Variants in WDR64 observed in about 807,000 individuals in gnomAD.
WDR64 encodes the protein WD repeat domain 64.
WDR64 carries 112 observed loss-of-function variants against 139.3 expected under a neutral mutation model. The observed-to-expected ratio is 0.80, with a 90% CI of 0.69 to 0.94. The LOEUF is 0.94. Ranked by LOEUF, WDR64 falls within the 40% of genes least tolerant of loss-of-function variation. WDR64 has a pLI of 0.00. For synonymous variants in WDR64, 444 were observed against 437.7 expected, an observed-to-expected ratio of 1.01 and a Z score of -0.18; for missense variants, 1,206 against 1,293.1, an observed-to-expected ratio of 0.93 and a Z score of 1.03.
At chr1:241,787,557 C>T (rs1157716539) in intron 23 of WDR64, among the ~76,000 whole-genome samples, 1 of 150,588 alleles carries the variant, frequency 6.6e-6, no homozygotes, top group Admixed American at 6.7e-5. Flanking sequence ...CTCAGCTACT[C>T]GGGAAGCTGA....
chr1:241,795,393 C>T lies in WDR64; in HGVS notation c.3078+106C>T, dbSNP rs1659335241. On this transcript the variant is annotated intron_variant, in intron 26 of 27. Coordinates refer to ENST00000437684, the MANE Select transcript of WDR64 (RefSeq NM_001367482.1). ...GCAAGGTTGGAGAAAATCATACAGT[C>T]AGTTGGACCGTTGCTTCCAAAAACG... 67 of 995,738 alleles carry T rather than the reference C, an allele frequency of 6.7e-5. No homozygotes were observed. In the South Asian group the frequency reaches 1.0e-3, roughly 15 times the overall value. 61.7% of individuals were successfully genotyped at this position (995,738 alleles called of 1,614,324 possible). A position where few individuals can be genotyped will look rare whatever the true frequency, so the allele number is the denominator to read the frequency against.
chr1:241,771,978 A>ATATATATATATT (rs1658470954), intron 19 of WDR64, among the ~76,000 whole-genome samples: 5 of 128,040 alleles, frequency 3.9e-5, no homozygotes, highest in African/African-American at 1.5e-4. Flanking sequence ...ATATATATAT[A>ATATATATATATT]TATATATATA....
chr1:241,753,749 T>C (rs1670066512), intron 14 of WDR64, among the ~76,000 whole-genome samples: 2 of 151,942 alleles, frequency 1.3e-5, no homozygotes, highest in South Asian at 4.1e-4. Context: ...GTGGAATAAA[T>C]GATCACATCA....
intron 15 of WDR64, among the ~76,000 whole-genome samples, chr1:241,764,493 T>G (rs542654412): frequency 6.6e-6 from 1 of 150,446 alleles, no homozygotes; most frequent in Non-Finnish European, 1.5e-5. Flanking sequence ...TACAAAAAAA[T>G]TTTTAAAAAT....
chr1:241,718,729 C>G (rs895338036), intron 9 of WDR64, among the ~76,000 whole-genome samples: 1 of 152,100 alleles, frequency 6.6e-6, no homozygotes, highest in African/African-American at 2.4e-5. Flanking sequence ...TTTCTGGAGG[C>G]TAGAAGTGCA....
Position 241,771,690 on chromosome 1 carries a change from G to A in WDR64, c.2283G>A (p.Glu761=). Residue 761 remains glutamate (E), a synonymous_variant, in exon 19 of 28, where the codon GAG becomes GAA. Coordinates refer to ENST00000437684, the MANE Select transcript of WDR64 (RefSeq NM_001367482.1). ...KGSKQSIHDS[E]VKGEQTDVMV... ...GCAAGCAAAGCATACATGACAGTGAGGTTAAAGGTCAGTATGAAATCACCT... is the reference window on the plus strand; with the variant it reads ...GCAAGCAAAGCATACATGACAGTGAAGTTAAAGGTCAGTATGAAATCACCT... The A allele has an allele frequency of 6.7e-7, 1 of 1,486,568 alleles. No homozygotes were observed. Among genetic ancestry groups the A allele is most frequent in the Non-Finnish European group, 9.0e-7 (1 of 1,114,900 alleles). The allele number at this position is 1,486,568 out of a possible 1,614,324, so 92.1% of individuals were successfully genotyped here.
At chr1:241,668,166 GA>G (rs1265876798) in intron 2 of WDR64, among the ~76,000 whole-genome samples, 1 of 152,164 alleles carries the variant, frequency 6.6e-6, no homozygotes, top group Non-Finnish European at 1.5e-5. Context: ...ATGCTGAAAG[GA>G]AAAGTCAGTA....
Position 241,683,602 on chromosome 1 carries a change from T to C in WDR64, c.740T>C (p.Val247Ala). ...DILLGDDGGF[V>A]NRFTVNSDDF... ...CTCTTGGGGGATGATGGGGGTTTTG[T>C]GAACAGATTCACAGTCAACAGTGAT... is the stretch of plus-strand genomic sequence containing the variant. Residue 247 changes from valine to alanine, a missense_variant, in exon 7 of 28, where the codon GTG becomes GCG. By Grantham distance (64) the Val-to-Ala change is moderately conservative. Transcript: ENST00000437684. 1.3e-6 allele frequency: 2 copies of C among 1,551,634 alleles called. No individual in the cohort carries two copies. Among genetic ancestry groups the C allele is most frequent in the African/African-American group, 2.7e-5 (2 of 73,146 alleles).
At chr1:241,705,749 G>A (rs779675275) in intron 8 of WDR64, among the ~76,000 whole-genome samples, 23 of 151,800 alleles carry the variant, frequency 1.5e-4, no homozygotes, top group Non-Finnish European at 2.8e-4. Context: ...CAACACGCCC[G>A]GCTAATTTTT....
chr1:241,690,204 G>A (rs1026842674), intron 8 of WDR64, among the ~76,000 whole-genome samples: 2 of 152,152 alleles, frequency 1.3e-5, no homozygotes, highest in African/African-American at 4.8e-5. Context: ...TGGGCGCAGT[G>A]GCTCACACCT....
intron 23 of WDR64, 109 bp from the exon 24 acceptor site, chr1:241,787,740 A>G (rs1659090258): frequency 1.1e-6 from 1 of 951,514 alleles, no homozygotes; most frequent in Non-Finnish European, 1.5e-6. Context: ...ACCCAAGTAA[A>G]AAAATCCTTG....
chr1:241,775,578 G>C (rs114302614), intron 21 of WDR64, among the ~76,000 whole-genome samples: 3,976 of 151,848 alleles, frequency 0.026, 186 homozygotes, highest in African/African-American at 0.091. Context: ...ATAAATTAGA[G>C]AAAAAAAATG....
intron 20 of WDR64, among the ~76,000 whole-genome samples, chr1:241,774,195 A>G (rs1332864056): frequency 2.0e-5 from 3 of 152,240 alleles, no homozygotes; most frequent in Non-Finnish European, 2.9e-5. Flanking sequence ...TCAGAACACA[A>G]AACAGTTTTG....
chr1:241,776,888 T>A (rs72770250), intron 21 of WDR64, among the ~76,000 whole-genome samples: 3,552 of 152,296 alleles, frequency 0.023, 56 homozygotes, highest in Non-Finnish European at 0.034. Context: ...AAATTTGTGG[T>A]TTCTGTTTGT....
chr1:241,788,003 T>C lies in WDR64; in HGVS notation c.2860T>C (p.Tyr954His), dbSNP rs199999233. 1.2e-6 allele frequency: 2 copies of C among 1,601,080 alleles called. No homozygotes were observed. The highest frequency in any genetic ancestry group is 1.7e-6 in the Non-Finnish European group (2 of 1,176,302). The change falls in exon 24 of 28, where the codon TAT becomes CAT. Residue 954 changes from tyrosine to histidine, a missense_variant. Tyr to His is a moderately conservative substitution (Grantham distance 83). Coordinates refer to ENST00000437684, the MANE Select transcript of WDR64 (RefSeq NM_001367482.1). ...AAGCAAGTTCACAGAGAAGCAAAAA[T>C]ATGAATATCCTCTGATATTTGACCG... ...EESKFTEKQK[Y>H]EYPLIFDREK... is the part of the protein sequence containing the mutation.
At chr1:241,663,976 A>G (rs928213554) in intron 2 of WDR64, among the ~76,000 whole-genome samples, 1 of 152,224 alleles carries the variant, frequency 6.6e-6, no homozygotes, top group Non-Finnish European at 1.5e-5. Flanking sequence ...AATAAAGTAG[A>G]AGACATAAAT....
chr1:241,723,230 T>C, intron 9 of WDR64, 67 bp from the exon 10 acceptor site: 3 of 1,580,672 alleles, frequency 1.9e-6, no homozygotes, highest in Non-Finnish European at 1.7e-6. Flanking sequence ...TATGATACAG[T>C]GAGAGATACA....
chr1:241,705,543 A>C (rs900469578), intron 8 of WDR64, among the ~76,000 whole-genome samples: 1 of 62,862 alleles, frequency 1.6e-5, no homozygotes, highest in Non-Finnish European at 2.9e-5. Context: ...CTCTGTCTCT[A>C]AAAAAATAAA....
chr1:241,766,257 T>TTAC lies in WDR64; in HGVS notation c.1991_1993dup (p.Leu664dup). 6.2e-7 allele frequency: 1 copy of TTAC among 1,614,144 alleles called. No individual in the cohort carries two copies. Among genetic ancestry groups the TTAC allele is most frequent in the Non-Finnish European group, 8.5e-7 (1 of 1,180,012 alleles). On this transcript the variant is annotated inframe_insertion, in exon 16 of 28. Coordinates refer to ENST00000437684, the MANE Select transcript of WDR64 (RefSeq NM_001367482.1). The stretch of plus-strand genomic sequence containing the variant: ...TTTATTACGAGTGAACTGCATTGAT[T>TTAC]TACTACAAGTAGAAGGATATAATTT...
Sources: allele counts gnomAD v4.1 joint callset (sites outside exome capture counted in the v4.1 genomes callset), GRCh38; gene constraint gnomAD v4.1.1; transcripts MANE v1.5; gene names NCBI Gene and HGNC (gene_info 2026-07-23, HGNC 2026-07-21).